The following MLH3 variants were observed in gnomAD, a reference collection of about 807,000 sequenced individuals.
MLH3 encodes the protein mutL homolog 3, also known as DNA mismatch repair protein Mlh3.
In MLH3, 82 loss-of-function variants were observed where a neutral mutation model predicts 122.2. That is an observed-to-expected ratio of 0.67 (90% confidence interval 0.56 to 0.81). The LOEUF (loss-of-function observed/expected upper bound fraction) is 0.81, where lower values mean the gene tolerates loss of function less well. Among genes scored for constraint, MLH3 ranks in the 30% least tolerant of loss-of-function variants. MLH3 has a pLI of 0.00. For missense variants in MLH3, 1,539 were observed against 1,714.5 expected (o/e 0.90, Z 1.81); for synonymous variants, 524 against 599.5 (o/e 0.87, Z 1.84).
At position 75,046,596 on chromosome 14, in the gene MLH3, A is replaced by C. The variant is rs1239902800; in HGVS notation, c.3060T>G (p.Cys1020Trp). 6.2e-7 allele frequency: 1 copy of C among 1,614,232 alleles called. No homozygotes were observed. Among genetic ancestry groups the C allele is most frequent in the Admixed American group, 1.7e-5 (1 of 60,032 alleles). Residue 1020 changes from cysteine (C) to tryptophan (W), a missense_variant, in exon 2 of 13, where the codon TGT becomes TGG. Cys to Trp is a radical substitution (Grantham distance 215). Coordinates refer to ENST00000355774, the MANE Select transcript of MLH3 (RefSeq NM_001040108.2). ...EDATGDQNGI[C>W]FQSEESKARA... ...TTGCTTTAGATTCCTCACTCTGAAA[A>C]CAAATTCCATTTTGGTCACCTGTGG...
chr14:75,013,919 C>T lies in MLH3; in HGVS notation c.*3163G>A, dbSNP rs886465302. On this transcript the variant is annotated 3_prime_UTR_variant, in exon 13 of 13. Coordinates refer to ENST00000355774, the MANE Select transcript of MLH3 (RefSeq NM_001040108.2). The stretch of plus-strand genomic sequence containing the variant: ...CTTAGAGGGTAAAGACAGGCATGAT[C>T]GCGACTGGCCAGCATACTGGCCGGT... The T allele has an allele frequency of 7.4e-5, 15 of 202,764 alleles. No homozygotes were observed. Among genetic ancestry groups the T allele is most frequent in the East Asian group, 1.5e-4 (2 of 13,222 alleles). 12.6% of individuals were successfully genotyped at this position (202,764 alleles called of 1,614,324 possible). A position where few individuals can be genotyped will look rare whatever the true frequency, so the allele number is the denominator to read the frequency against.
intron 2 of MLH3, among the ~76,000 whole-genome samples, chr14:75,044,076 C>T (rs553921722): frequency 6.6e-6 from 1 of 151,324 alleles, no homozygotes; most frequent in African/African-American, 2.4e-5. Context: ...GCAACAAGAG[C>T]GAAACTCCGT....
rs748412252 is a variant in MLH3 at position 75,018,859 on chromosome 14, A to G, written c.4212T>C (p.Ala1404=). ...AHGRPSMLPL[A]DIDHLEQEKQ... is the part of the protein sequence containing the mutation. The stretch of plus-strand genomic sequence containing the variant: ...TTTCCTGTTCCAAGTGGTCTATGTC[A>G]GCTAACGGCAGCATAGAAGGTCTCC... The change falls in exon 12 of 13, where the codon GCT becomes GCC. Residue 1404 remains alanine (A), a synonymous_variant. Coordinates refer to ENST00000355774, the MANE Select transcript of MLH3 (RefSeq NM_001040108.2). 2 of 1,614,178 alleles carry G rather than the reference A, an allele frequency of 1.2e-6. No homozygotes were observed. The highest frequency in any genetic ancestry group is 2.2e-5 in the South Asian group (2 of 91,078).
At chr14:75,042,050 CT>C (rs1491149567) in intron 3 of MLH3, among the ~76,000 whole-genome samples, 2 of 152,128 alleles carry the variant, frequency 1.3e-5, no homozygotes, top group Non-Finnish European at 2.9e-5. Flanking sequence ...ATGTCTGTAG[CT>C]TTTTTTGAAG....
At chr14:75,032,710 T>C (rs1024356448) in intron 7 of MLH3, among the ~76,000 whole-genome samples, 1 of 151,436 alleles carries the variant, frequency 6.6e-6, no homozygotes, top group African/African-American at 2.4e-5. Flanking sequence ...TTCTAGTCCA[T>C]GAAGCACTCC....
rs753528013 is a variant in MLH3 at position 75,049,420 on chromosome 14, T to C, written c.236A>G (p.His79Arg). Residue 79 changes from histidine (H) to arginine (R), a missense_variant, in exon 2 of 13, where the codon CAC (histidine) becomes CGC (arginine). Transcript: ENST00000355774. ...VGNRYFTSKC[H>R]SVQDLENPRF... is the part of the protein sequence containing the mutation. ...TGGATTCTCCAAGTCCTGTACCGAG[T>C]GGCATTTACTGGTGAAATAACGATT... The C allele has an allele frequency of 4.3e-6, 7 of 1,614,036 alleles. No individual in the cohort carries two copies. In the Middle Eastern group the frequency reaches 4.9e-4, roughly 114 times the overall value.
chr14:75,017,244 T>C, intron 12 of MLH3, 43 bp from the exon 13 acceptor site: 1 of 1,602,162 alleles, frequency 6.2e-7, no homozygotes, highest in Non-Finnish European at 8.5e-7. Context: ...TATGAAAAGG[T>C]AGGTAGCATA....
intron 2 of MLH3, among the ~76,000 whole-genome samples, chr14:75,043,459 T>G (rs1269748906): frequency 2.0e-5 from 3 of 152,188 alleles, no homozygotes; most frequent in Admixed American, 6.5e-5. Context: ...CATGAAAAAG[T>G]GAACAGGTAG....
chr14:75,047,577 C>T lies in MLH3; in HGVS notation c.2079G>A (p.Met693Ile), dbSNP rs779177358. The stretch of plus-strand genomic sequence containing the variant: ...TGCTACCTTCCTGAAAAGCAGAAAA[C>T]ATTGTATAAGTTGCTGTAGGTTCAT... Reference protein sequence around the residue: ...LENEPTATYTMFSAFQEGSKK... With the variant: ...LENEPTATYTIFSAFQEGSKK... Residue 693 changes from methionine (M) to isoleucine (I), a missense_variant, in exon 2 of 13, where the codon ATG becomes ATA. Coordinates refer to ENST00000355774, the MANE Select transcript of MLH3 (RefSeq NM_001040108.2). 7 of 1,613,848 alleles carry T rather than the reference C, an allele frequency of 4.3e-6. No individual in the cohort carries two copies. Among genetic ancestry groups the T allele is most frequent in the Non-Finnish European group, 3.4e-6 (4 of 1,180,010 alleles).
At chr14:75,046,302 A>G in intron 2 of MLH3, 74 bp downstream of exon 2, 1 of 1,433,792 alleles carries the variant, frequency 7.0e-7, no homozygotes, top group Non-Finnish European at 9.8e-7. Context: ...CTCTTTGGAT[A>G]ATGAGGATCT....
rs184760551 is a variant in MLH3 at position 75,019,216 on chromosome 14, C to T, written c.4091-236G>A. On this transcript the variant is annotated intron_variant, in intron 11 of 12. Coordinates refer to ENST00000355774, the MANE Select transcript of MLH3 (RefSeq NM_001040108.2). ...CATGAGGTCAGGAGTTCAAGACCAG[C>T]CTGGCCAATATGGTGAAATCCCGCC... 1.5e-4 allele frequency: 71 copies of T among 469,726 alleles called. 1 individual carries two copies. The highest frequency in any genetic ancestry group is 1.2e-3 in the African/African-American group (59 of 50,672). 29.1% of individuals were successfully genotyped at this position (469,726 alleles called of 1,614,324 possible).
At chr14:75,036,456 T>C (rs373915065) in intron 6 of MLH3, 8 of 327,046 alleles carry the variant, frequency 2.4e-5, no homozygotes, top group African/African-American at 1.7e-4. Flanking sequence ...AGCAATTCTC[T>C]GCCTCAGCCT....
At chr14:75,030,370 T>C (rs1890962377) in intron 9 of MLH3, among the ~76,000 whole-genome samples, 173 bp downstream of exon 9, 1 of 152,200 alleles carries the variant, frequency 6.6e-6, no homozygotes, top group South Asian at 2.1e-4. Context: ...ATTCTTTAAA[T>C]GCCCTTCTTC....
intron 3 of MLH3, 87 bp downstream of exon 3, chr14:75,042,292 G>T: frequency 1.8e-6 from 2 of 1,137,808 alleles, no homozygotes; most frequent in Non-Finnish European, 2.7e-6. Context: ...AGCTGGCACT[G>T]ATCAAGCTTA....
rs1356830237 is a variant in MLH3 at position 75,047,531 on chromosome 14, T to C, written c.2125A>G (p.Ile709Val). Residue 709 changes from isoleucine to valine, a missense_variant, in exon 2 of 13, where the codon ATA becomes GTA. Transcript: ENST00000355774. ...EGSKKSQTDC[I>V]LSDTSPSFPW... ...AAAGAGGGGGATGTATCAGATAATA[T>C]GCAATCTGTTTGTGATTTTTTGCTA... is the stretch of plus-strand genomic sequence containing the variant. The C allele has an allele frequency of 6.2e-7, 1 of 1,614,058 alleles. No individual in the cohort carries two copies. The highest frequency in any genetic ancestry group is 1.1e-5 in the South Asian group (1 of 91,082).
intron 7 of MLH3, among the ~76,000 whole-genome samples, chr14:75,033,168 G>A (rs997285900): frequency 2.6e-5 from 4 of 152,070 alleles, no homozygotes; most frequent in African/African-American, 7.2e-5. Flanking sequence ...CTATCCTTGC[G>A]TACTTCTGGG....
intron 12 of MLH3, among the ~76,000 whole-genome samples, chr14:75,017,870 G>A (rs2139288819): frequency 6.6e-6 from 1 of 152,328 alleles, no homozygotes; most frequent in African/African-American, 2.4e-5. Flanking sequence ...TTTGGGCAGG[G>A]CGCAGTGGCT....
At chr14:75,033,128 A>G (rs1178162505) in intron 7 of MLH3, among the ~76,000 whole-genome samples, 1 of 152,046 alleles carries the variant, frequency 6.6e-6, no homozygotes, top group African/African-American at 2.4e-5. Flanking sequence ...GGAGGGGCAG[A>G]GCTTTGTGCT....
Position 75,039,814 on chromosome 14 carries a change from A to G in MLH3, c.3570+97T>C. 5.4e-6 allele frequency: 2 copies of G among 371,638 alleles called. 1 individual carries two copies. Among genetic ancestry groups the G allele is most frequent in the South Asian group, 7.2e-5 (2 of 27,842 alleles). 23.0% of individuals were successfully genotyped at this position (371,638 alleles called of 1,614,324 possible). A position where few individuals can be genotyped will look rare whatever the true frequency, so the allele number is the denominator to read the frequency against. ...TGCCTTGACCAAGGTGGTCTATATC[A>G]TTAAATAAATCAAATTTTAGAAGAG... On this transcript the variant is annotated intron_variant, in intron 5 of 12. Transcript: ENST00000355774.
Sources: gnomAD v4.1 joint callset for allele counts (sites outside exome capture counted in the v4.1 genomes callset) on GRCh38, gnomAD v4.1.1 for gene constraint, MANE v1.5 for transcripts, NCBI Gene and HGNC (gene_info 2026-07-23, HGNC 2026-07-21) for gene names.